TRDN: variants seen among roughly 807,000 people sequenced by gnomAD.
TRDN encodes triadin, also known as triadin in skeletal muscle.
TRDN carries 161 observed loss-of-function variants against 149.7 expected under a neutral mutation model. That is an observed-to-expected ratio of 1.08 (90% confidence interval 0.95 to 1.23). The LOEUF is 1.23. Ranked by LOEUF, TRDN falls within the 50% of genes most tolerant of loss-of-function variation. TRDN has a pLI of 0.00. For synonymous variants in TRDN, 294 were observed against 250.5 expected (o/e 1.17, Z -1.64); for missense variants, 896 against 823.5 (o/e 1.09, Z -1.08).
chr6:123,590,412 A>G (rs970128618), intron 1 of TRDN, among the ~76,000 whole-genome samples: 15 of 152,212 alleles, frequency 9.9e-5, no homozygotes, highest in African/African-American at 3.6e-4. Context: ...CAGAGTTTCT[A>G]CCAATTCTAC....
At chr6:123,304,600 C>A (rs1054763498) in intron 24 of TRDN, among the ~76,000 whole-genome samples, 3 of 151,976 alleles carry the variant, frequency 2.0e-5, no homozygotes, top group Non-Finnish European at 4.4e-5. Flanking sequence ...ATTACTTATG[C>A]AAGTTTTTTT....
intron 35 of TRDN, among the ~76,000 whole-genome samples, chr6:123,259,222 T>G (rs1776671494): frequency 6.6e-6 from 1 of 152,138 alleles, no homozygotes; most frequent in African/African-American, 2.4e-5. Flanking sequence ...TTCTTTTCAT[T>G]GTGATGTTAG....
Position 123,221,500 on chromosome 6 carries a change from G to A in TRDN, c.2037C>T (p.Pro679=), listed in dbSNP as rs1288875041. Residue 679 remains proline, a synonymous_variant, in exon 40 of 41, where the codon CCC becomes CCT. Transcript: ENST00000334268. ...TTATAAACTTACTTTTCTGCTTTGT[G>A]GGAGACACATCTTCAGTTCCTTCTA... ...KAKEGTEDVS[P]TKQKSPISFF... 1.3e-6 allele frequency: 2 copies of A among 1,567,858 alleles called. No homozygotes were observed. Among genetic ancestry groups the A allele is most frequent in the African/African-American group, 2.7e-5 (2 of 73,342 alleles).
chr6:123,483,066 T>TTTA (rs71021451), intron 9 of TRDN, among the ~76,000 whole-genome samples: 19,097 of 133,086 alleles, frequency 0.14, 1,435 homozygotes, highest in South Asian at 0.19. Context: ...TGATTTCTCA[T>TTTA]TTATTATTAT....
chr6:123,316,526 A>C (rs1399132675), intron 23 of TRDN, 31 bp from the exon 24 acceptor site: 2 of 1,600,146 alleles, frequency 1.2e-6, no homozygotes, highest in Non-Finnish European at 1.7e-6. Flanking sequence ...AAACACGTAC[A>C]AACAAAAGGG....
intron 12 of TRDN, among the ~76,000 whole-genome samples, chr6:123,401,810 G>A (rs568131867): frequency 4.0e-4 from 61 of 152,156 alleles, no homozygotes; most frequent in African/African-American, 1.4e-3. Flanking sequence ...AGCTGGGTGT[G>A]GGGGTGCTCA....
At chr6:123,312,860 A>T (rs995629142) in intron 24 of TRDN, among the ~76,000 whole-genome samples, 3 of 152,002 alleles carry the variant, frequency 2.0e-5, no homozygotes, top group African/African-American at 4.8e-5. Flanking sequence ...GAATGGAAAT[A>T]ATATCTTACC....
chr6:123,552,844 A>G (rs76765831), intron 2 of TRDN, among the ~76,000 whole-genome samples: 1,599 of 152,226 alleles, frequency 0.011, 28 homozygotes, highest in African/African-American at 0.036. Context: ...TATAAAATTT[A>G]TCAATGCCTT....
chr6:123,353,182 T>C (rs1199488655), intron 20 of TRDN, among the ~76,000 whole-genome samples: 1 of 151,858 alleles, frequency 6.6e-6, no homozygotes, highest in African/African-American at 2.4e-5. Context: ...ATGATTCATT[T>C]GGAATCAGTG....
chr6:123,309,270 A>G (rs1323525382), intron 24 of TRDN, among the ~76,000 whole-genome samples: 1 of 151,834 alleles, frequency 6.6e-6, no homozygotes, highest in Non-Finnish European at 1.5e-5. Flanking sequence ...CAACTTTGCC[A>G]TCTTCTGCTA....
chr6:123,295,553 T>C (rs541010721), intron 24 of TRDN, among the ~76,000 whole-genome samples: 43 of 152,340 alleles, frequency 2.8e-4, no homozygotes, highest in Non-Finnish European at 4.9e-4. Context: ...TTTTATATTC[T>C]TATTACAAAA....
At chr6:123,498,572 A>G (rs1263351560) in intron 8 of TRDN, 1 of 471,138 alleles carries the variant, frequency 2.1e-6, no homozygotes, top group Admixed American at 2.3e-5. Flanking sequence ...TCCTCAGGTC[A>G]TTCCATGCAT....
At chr6:123,416,030 A>T (rs1773635832) in intron 12 of TRDN, among the ~76,000 whole-genome samples, 1 of 152,186 alleles carries the variant, frequency 6.6e-6, no homozygotes, top group African/African-American at 2.4e-5. Context: ...GACGTTCACA[A>T]CTACGACCAC....
intron 38 of TRDN, among the ~76,000 whole-genome samples, chr6:123,246,465 A>G (rs555377695): frequency 1.8e-4 from 27 of 152,320 alleles, no homozygotes; most frequent in East Asian, 1.9e-4. Context: ...TTCTATGCAA[A>G]TAAACTATGA....
chr6:123,583,121 C>G (rs1457778230), intron 1 of TRDN, among the ~76,000 whole-genome samples: 2 of 143,110 alleles, frequency 1.4e-5, no homozygotes, highest in Non-Finnish European at 3.1e-5. Flanking sequence ...GTCCTGCCAG[C>G]AAAGATTATT....
At chr6:123,584,992 T>A (rs867105913) in intron 1 of TRDN, among the ~76,000 whole-genome samples, 14 of 152,018 alleles carry the variant, frequency 9.2e-5, no homozygotes, top group East Asian at 1.9e-4. Context: ...AGCAGGCAAG[T>A]GATAACAGGC....
At chr6:123,497,887 G>A (rs1778516695) in intron 8 of TRDN, among the ~76,000 whole-genome samples, 1 of 152,096 alleles carries the variant, frequency 6.6e-6, no homozygotes, top group Non-Finnish European at 1.5e-5. Flanking sequence ...TTATGATCTT[G>A]ACTAGTTTAT....
intron 9 of TRDN, among the ~76,000 whole-genome samples, chr6:123,495,205 C>A (rs1778396378): frequency 6.6e-6 from 1 of 151,990 alleles, no homozygotes; most frequent in African/African-American, 2.4e-5. Flanking sequence ...GGGTGCATAC[C>A]GCCATGCCCA....
At chr6:123,575,126 C>T (rs1220157839) in intron 1 of TRDN, among the ~76,000 whole-genome samples, 1 of 151,426 alleles carries the variant, frequency 6.6e-6, no homozygotes, top group Non-Finnish European at 1.5e-5. Flanking sequence ...AATCTTCACA[C>T]CCTCAAAATT....
Sources: allele counts gnomAD v4.1 joint callset (sites outside exome capture counted in the v4.1 genomes callset), GRCh38; gene constraint gnomAD v4.1.1; transcripts MANE v1.5; gene names NCBI Gene and HGNC (gene_info 2026-07-23, HGNC 2026-07-21).